The following CHSY3 variants were observed in gnomAD, a reference collection of about 807,000 sequenced individuals.
CHSY3 encodes the protein chondroitin sulfate synthase 3, also known as N-acetylgalactosaminyl-proteoglycan 3-beta-glucuronosyltransferase 3.
CHSY3 carries 35 observed loss-of-function variants against 67.2 expected under a neutral mutation model. That is an observed-to-expected ratio of 0.52 (90% CI 0.40 to 0.69). The LOEUF is 0.69. Among genes scored for constraint, CHSY3 ranks in the 30% least tolerant of loss-of-function variants. The pLI is 0.00. For synonymous variants in CHSY3, 474 were observed against 434.7 expected, an observed-to-expected ratio of 1.09 and a Z score of -1.12; for missense variants, 1,069 against 1,138.5, an observed-to-expected ratio of 0.94 and a Z score of 0.88.
rs77068857 is a variant in CHSY3, at chr5:129,921,464, A to G, written c.1086+13104A>G. Reference sequence around the variant, plus strand: ...ACTCAAGATTTTATCACTCTATCAGAACAGTGTGCAATTTAAAACATATAA... The same window carrying G: ...ACTCAAGATTTTATCACTCTATCAGGACAGTGTGCAATTTAAAACATATAA... On this transcript the variant is annotated intron_variant, in intron 2 of 2. Coordinates refer to ENST00000305031, the MANE Select transcript of CHSY3 (RefSeq NM_175856.5). Among the ~76,000 whole-genome samples, 900 of 152,322 alleles carry G rather than the reference A, an allele frequency of 5.9e-3. 7 individuals are homozygous for G. Among genetic ancestry groups the G allele is most frequent in the African/African-American group, 0.021 (866 of 41,570 alleles).
intron 2 of CHSY3, among the ~76,000 whole-genome samples, chr5:130,068,792 C>G (rs181514913): frequency 2.0e-5 from 3 of 152,216 alleles, no homozygotes; most frequent in Admixed American, 2.0e-4. Flanking sequence ...GGTTCTGGCT[C>G]GAAGAGCTGA....
At chr5:130,121,926 A>T (rs150724555) in intron 2 of CHSY3, among the ~76,000 whole-genome samples, 122 of 152,144 alleles carry the variant, frequency 8.0e-4, no homozygotes, top group African/African-American at 2.8e-3. Flanking sequence ...GTGATCCTGG[A>T]CATGTCCGTC....
chr5:130,036,122 T>C (rs900377934), intron 2 of CHSY3, among the ~76,000 whole-genome samples: 1 of 152,090 alleles, frequency 6.6e-6, no homozygotes, highest in African/African-American at 2.4e-5. Context: ...CTGAGCACTC[T>C]AGTGTAACAT....
chr5:129,992,305 G>T (rs1460088702), intron 2 of CHSY3, among the ~76,000 whole-genome samples: 2 of 152,102 alleles, frequency 1.3e-5, no homozygotes, highest in African/African-American at 2.4e-5. Flanking sequence ...CCAACTAAAT[G>T]ATTACCTTGA....
intron 2 of CHSY3, among the ~76,000 whole-genome samples, chr5:130,082,049 C>T (rs1308079090): frequency 6.6e-6 from 1 of 152,064 alleles, no homozygotes; most frequent in Non-Finnish European, 1.5e-5. Context: ...CATAATCTCT[C>T]TCCTGGAAAT....
At chr5:130,105,961 T>C (rs1358339173) in intron 2 of CHSY3, among the ~76,000 whole-genome samples, 1 of 151,596 alleles carries the variant, frequency 6.6e-6, no homozygotes, top group African/African-American at 2.4e-5. Flanking sequence ...AGGTTGCTGT[T>C]CTTTTTTTAA....
At chr5:130,169,602 T>A (rs1018014572) in intron 2 of CHSY3, among the ~76,000 whole-genome samples, 3 of 151,960 alleles carry the variant, frequency 2.0e-5, no homozygotes, top group Non-Finnish European at 4.4e-5. Context: ...CATTAGTGAA[T>A]GATATAATGT....
chr5:129,985,015 G>A (rs188896665), intron 2 of CHSY3, among the ~76,000 whole-genome samples: 173 of 152,146 alleles, frequency 1.1e-3, no homozygotes, highest in African/African-American at 3.9e-3. Flanking sequence ...TGCAGAAGCT[G>A]TTTAGTTTAA....
chr5:129,965,393 G>T (rs1053869485), intron 2 of CHSY3, among the ~76,000 whole-genome samples: 2 of 151,844 alleles, frequency 1.3e-5, no homozygotes, highest in Non-Finnish European at 2.9e-5. Context: ...TTACATTTCC[G>T]TATAATACAG....
At chr5:130,174,144 A>AT (rs1769975186) in intron 2 of CHSY3, among the ~76,000 whole-genome samples, 1 of 151,990 alleles carries the variant, frequency 6.6e-6, no homozygotes, top group Non-Finnish European at 1.5e-5. Flanking sequence ...CACTTAAATG[A>AT]TTTTTTATTT....
intron 2 of CHSY3, among the ~76,000 whole-genome samples, chr5:130,057,146 G>T (rs1008254841): frequency 2.0e-5 from 3 of 151,312 alleles, no homozygotes; most frequent in African/African-American, 7.3e-5. Context: ...GGATGGTCTC[G>T]ATCTCCTGAC....
At position 130,032,924 on chromosome 5, in the gene CHSY3, A is replaced by G. The variant is rs905889385; in HGVS notation, c.1086+124564A>G. Among the ~76,000 whole-genome samples, 6 of 152,150 alleles carry G rather than the reference A, an allele frequency of 3.9e-5. No individual in the cohort carries two copies. In the South Asian group the frequency reaches 1.2e-3, roughly 32 times the overall value. On this transcript the variant is annotated intron_variant, in intron 2 of 2. Coordinates refer to ENST00000305031, the MANE Select transcript of CHSY3 (RefSeq NM_175856.5). ...ACAGTGTCTCTGCCAGCCCAGCCAG[A>G]ATGCACATTAGACAAGTCCCATGTT...
intron 2 of CHSY3, among the ~76,000 whole-genome samples, chr5:129,983,490 T>G (rs905172832): frequency 1.3e-5 from 2 of 152,130 alleles, no homozygotes; most frequent in African/African-American, 4.8e-5. Flanking sequence ...TTTTTTCTAC[T>G]GTGTACACTT....
chr5:130,156,922 G>A (rs1363708741), intron 2 of CHSY3, among the ~76,000 whole-genome samples: 1 of 152,164 alleles, frequency 6.6e-6, no homozygotes, highest in African/African-American at 2.4e-5. Context: ...CATTGTTATG[G>A]CAGCTGTAAG....
At chr5:129,979,199 C>CAAAAAA (rs58584381) in intron 2 of CHSY3, among the ~76,000 whole-genome samples, 5 of 62,532 alleles carry the variant, frequency 8.0e-5, no homozygotes, top group Admixed American at 2.5e-4. Context: ...GACTCCGTCT[C>CAAAAAA]AAAAAAAAAA....
chr5:129,963,492 C>T (rs1219352017), intron 2 of CHSY3, among the ~76,000 whole-genome samples: 1 of 151,968 alleles, frequency 6.6e-6, no homozygotes, highest in Non-Finnish European at 1.5e-5. Context: ...ACGGTGTGTA[C>T]TATTAACATA....
intron 2 of CHSY3, among the ~76,000 whole-genome samples, chr5:130,049,439 A>G (rs967698319): frequency 1.3e-5 from 2 of 152,130 alleles, no homozygotes; most frequent in Non-Finnish European, 2.9e-5. Context: ...TAGCTGGCAC[A>G]TGCCATAGAA....
At chr5:130,146,245 T>A (rs1769070973) in intron 2 of CHSY3, among the ~76,000 whole-genome samples, 1 of 152,176 alleles carries the variant, frequency 6.6e-6, no homozygotes, top group Non-Finnish European at 1.5e-5. Context: ...GGTGTATATA[T>A]AAACAATGTG....
intron 2 of CHSY3, among the ~76,000 whole-genome samples, chr5:129,972,864 T>G (rs1361115034): frequency 6.6e-6 from 1 of 152,114 alleles, no homozygotes; most frequent in Non-Finnish European, 1.5e-5. Flanking sequence ...CATCTTCTCA[T>G]GGCTGTCTTC....
Sources: gnomAD v4.1 joint callset for allele counts (sites outside exome capture counted in the v4.1 genomes callset) on GRCh38, gnomAD v4.1.1 for gene constraint, MANE v1.5 for transcripts, NCBI Gene and HGNC (gene_info 2026-07-23, HGNC 2026-07-21) for gene names.